Variants in SLC49A4 observed in about 807,000 individuals in gnomAD.
SLC49A4 encodes the protein solute carrier family 49 member 4.
In SLC49A4, 36 loss-of-function variants were observed where a neutral mutation model predicts 50.6. That is an observed-to-expected ratio of 0.71 (90% CI 0.55 to 0.94). The LOEUF (loss-of-function observed/expected upper bound fraction) is 0.94. Ranked by LOEUF, SLC49A4 falls within the 40% of genes least tolerant of loss-of-function variation. SLC49A4 has a pLI of 0.00. For synonymous variants in SLC49A4, 248 were observed against 241.2 expected, an observed-to-expected ratio of 1.03 and a Z score of -0.26; for missense variants, 503 against 605.7, an observed-to-expected ratio of 0.83 and a Z score of 1.78.
chr3:122,848,631 T>A (rs906817071), intron 5 of SLC49A4, among the ~76,000 whole-genome samples: 1 of 152,216 alleles, frequency 6.6e-6, no homozygotes, highest in Non-Finnish European at 1.5e-5. Flanking sequence ...AGGTATTTGA[T>A]ACTTTTTGAA....
chr3:122,856,424 C>T lies in SLC49A4; in HGVS notation c.1010+50C>T, dbSNP rs1936990652. 2.0e-6 allele frequency: 3 copies of T among 1,530,314 alleles called. No homozygotes were observed. In the South Asian group the frequency reaches 3.4e-5, roughly 18 times the overall value. The allele number at this position is 1,530,314 out of a possible 1,614,324, so 94.8% of individuals were successfully genotyped here. On this transcript the variant is annotated intron_variant, in intron 6 of 8. Coordinates refer to ENST00000261038, the MANE Select transcript of SLC49A4 (RefSeq NM_032839.3). ...GAGTGGACAGAGCAGGGGGAAAAAG[C>T]CTAAAGATAAATAGGCTCCCCTAAA... is the stretch of plus-strand genomic sequence containing the variant.
chr3:122,852,917 G>T (rs1385283351), intron 5 of SLC49A4, among the ~76,000 whole-genome samples: 1 of 151,860 alleles, frequency 6.6e-6, no homozygotes, highest in East Asian at 1.9e-4. Flanking sequence ...CAGAATTCTG[G>T]ATTATTTTCT....
chr3:122,842,550 A>G (rs1936787479), intron 4 of SLC49A4, among the ~76,000 whole-genome samples: 1 of 150,410 alleles, frequency 6.6e-6, no homozygotes, highest in South Asian at 2.1e-4. Context: ...AAGGGTAGAC[A>G]GGTAGATTGG....
intron 2 of SLC49A4, among the ~76,000 whole-genome samples, chr3:122,811,304 ATTCT>A (rs1399867845): frequency 6.6e-6 from 1 of 152,254 alleles, no homozygotes; most frequent in Non-Finnish European, 1.5e-5. Flanking sequence ...GTTCAAGAGA[ATTCT>A]TTCTTGAGAA....
intron 2 of SLC49A4, among the ~76,000 whole-genome samples, chr3:122,824,834 G>T (rs1425648369): frequency 6.9e-6 from 1 of 144,808 alleles, no homozygotes; most frequent in Non-Finnish European, 1.5e-5. Flanking sequence ...CCAAGCTCAA[G>T]TGATTCTCGC....
chr3:122,858,572 G>A (rs1229734304), intron 6 of SLC49A4, among the ~76,000 whole-genome samples: 1 of 152,074 alleles, frequency 6.6e-6, no homozygotes, highest in South Asian at 2.1e-4. Context: ...GCTCTCATAG[G>A]AAGTCATTTT....
intron 8 of SLC49A4, among the ~76,000 whole-genome samples, chr3:122,877,145 C>T (rs1937276460): frequency 6.6e-6 from 1 of 152,150 alleles, no homozygotes; most frequent in Non-Finnish European, 1.5e-5. Flanking sequence ...TTTGCTACTG[C>T]CAAGTCAAAT....
intron 3 of SLC49A4, among the ~76,000 whole-genome samples, 181 bp downstream of exon 3, chr3:122,827,246 C>G (rs1936543561): frequency 6.6e-6 from 1 of 152,156 alleles, no homozygotes; most frequent in African/African-American, 2.4e-5. Context: ...ACTGAACACT[C>G]TTCCTAGGAA....
chr3:122,795,631 G>A lies in SLC49A4; in HGVS notation c.343+96G>A. 3 of 1,483,906 alleles carry A rather than the reference G, an allele frequency of 2.0e-6. No individual in the cohort carries two copies. In the South Asian group the frequency reaches 3.9e-5, roughly 19 times the overall value. 91.9% of individuals were successfully genotyped at this position (1,483,906 alleles called of 1,614,324 possible). ...CTGCCAGCCGCCTCCCTTGGCCCCG[G>A]CATAGGGGTTGTGTGAGGTGATAGA... is the stretch of plus-strand genomic sequence containing the variant. On this transcript the variant is annotated intron_variant, in intron 1 of 8. Transcript: ENST00000261038.
intron 4 of SLC49A4, among the ~76,000 whole-genome samples, chr3:122,845,144 G>A (rs1936830465): frequency 6.6e-6 from 1 of 152,080 alleles, no homozygotes; most frequent in Non-Finnish European, 1.5e-5. Context: ...TGGTCCCAGT[G>A]TCTGTTTTTC....
chr3:122,869,674 A>C (rs1392401390), intron 7 of SLC49A4, among the ~76,000 whole-genome samples: 1 of 152,226 alleles, frequency 6.6e-6, no homozygotes, highest in Non-Finnish European at 1.5e-5. Context: ...TTACAGTTTC[A>C]TCAGCAATGT....
intron 5 of SLC49A4, among the ~76,000 whole-genome samples, chr3:122,851,861 C>A (rs1936931007): frequency 6.6e-6 from 1 of 151,766 alleles, no homozygotes; most frequent in African/African-American, 2.4e-5. Flanking sequence ...ATTCTTTTTC[C>A]TTTCTATGCT....
intron 5 of SLC49A4, among the ~76,000 whole-genome samples, chr3:122,847,588 G>C (rs567352614): frequency 6.6e-6 from 1 of 151,580 alleles, no homozygotes; most frequent in Non-Finnish European, 1.5e-5. Flanking sequence ...CTCGTGATCC[G>C]CCCACCTAAG....
intron 3 of SLC49A4, among the ~76,000 whole-genome samples, chr3:122,830,414 T>C (rs1342774819): frequency 6.6e-6 from 1 of 152,174 alleles, no homozygotes; most frequent in Non-Finnish European, 1.5e-5. Context: ...CTACAAAACT[T>C]ATTACAAAGC....
At chr3:122,851,310 G>T (rs1234651996) in intron 5 of SLC49A4, among the ~76,000 whole-genome samples, 2 of 151,820 alleles carry the variant, frequency 1.3e-5, no homozygotes, top group African/African-American at 4.8e-5. Flanking sequence ...TTTGTTTATT[G>T]TACAGGTCTG....
At chr3:122,806,072 T>C (rs1231891572) in intron 1 of SLC49A4, among the ~76,000 whole-genome samples, 2 of 152,204 alleles carry the variant, frequency 1.3e-5, no homozygotes, top group East Asian at 1.9e-4. Context: ...GATTATGAAA[T>C]ATGTAGTTCC....
chr3:122,819,023 G>A (rs762467511), intron 2 of SLC49A4, among the ~76,000 whole-genome samples: 71 of 151,878 alleles, frequency 4.7e-4, no homozygotes, highest in Non-Finnish European at 6.5e-4. Context: ...GGAGGCCAAG[G>A]CAGGAGGATC....
chr3:122,864,781 A>G (rs1035600088), intron 7 of SLC49A4, among the ~76,000 whole-genome samples: 2 of 152,240 alleles, frequency 1.3e-5, no homozygotes, highest in African/African-American at 4.8e-5. Context: ...TGGGAGGCCA[A>G]GGCAATAGGA....
intron 3 of SLC49A4, among the ~76,000 whole-genome samples, chr3:122,828,640 T>C (rs1280504138): frequency 1.3e-5 from 2 of 152,188 alleles, no homozygotes; most frequent in Non-Finnish European, 2.9e-5. Flanking sequence ...AAGAACTGTA[T>C]GTCAGAGAGT....
Sources: allele counts gnomAD v4.1 joint callset (sites outside exome capture counted in the v4.1 genomes callset), GRCh38; gene constraint gnomAD v4.1.1; transcripts MANE v1.5; gene names NCBI Gene and HGNC (gene_info 2026-07-23, HGNC 2026-07-21).